Variants in CNTNAP2 observed in about 807,000 individuals in gnomAD.
CNTNAP2 encodes contactin-associated protein-like 2.
In CNTNAP2, 98 loss-of-function variants were observed where a neutral mutation model predicts 155.2. That is an observed-to-expected ratio of 0.63 (90% confidence interval 0.54 to 0.75). CNTNAP2 has a LOEUF of 0.75. Ranked by LOEUF, CNTNAP2 falls within the 30% of genes least tolerant of loss-of-function variation. The pLI is 0.00. For synonymous variants in CNTNAP2, 651 were observed against 631.2 expected (o/e 1.03, Z -0.47); for missense variants, 1,727 against 1,688.1 (o/e 1.02, Z -0.40).
chr7:147,487,564 G>A (rs1331905092), intron 11 of CNTNAP2, among the ~76,000 whole-genome samples: 1 of 152,160 alleles, frequency 6.6e-6, no homozygotes, highest in Non-Finnish European at 1.5e-5. Context: ...ATACGATAAT[G>A]CTAACCAATG....
intron 8 of CNTNAP2, among the ~76,000 whole-genome samples, chr7:147,236,182 C>T (rs757205715): frequency 2.0e-5 from 3 of 152,202 alleles, no homozygotes; most frequent in Non-Finnish European, 4.4e-5. Context: ...GAAACTCCCC[C>T]TACTGCAGGG....
intron 13 of CNTNAP2, among the ~76,000 whole-genome samples, chr7:147,662,768 A>G (rs554829237): frequency 7.2e-5 from 11 of 152,310 alleles, no homozygotes; most frequent in African/African-American, 2.6e-4. Context: ...TTTCAGTGAC[A>G]TCTCTACAGG....
At chr7:146,564,771 C>G (rs977709985) in intron 1 of CNTNAP2, among the ~76,000 whole-genome samples, 3 of 151,690 alleles carry the variant, frequency 2.0e-5, no homozygotes, top group African/African-American at 7.3e-5. Context: ...TTTAGATCTT[C>G]TTTCTTTCCT....
intron 13 of CNTNAP2, among the ~76,000 whole-genome samples, chr7:147,714,317 A>G (rs1015191846): frequency 1.3e-5 from 2 of 152,110 alleles, no homozygotes; most frequent in African/African-American, 4.8e-5. Flanking sequence ...GATCCACATG[A>G]TAAAGAGATA....
At chr7:146,748,234 T>C (rs916641268) in intron 1 of CNTNAP2, among the ~76,000 whole-genome samples, 3 of 149,242 alleles carry the variant, frequency 2.0e-5, no homozygotes, top group Admixed American at 6.7e-5. Flanking sequence ...CAAGCTCTGC[T>C]TCCCGGGTTC....
At chr7:146,463,634 G>A (rs1371800807) in intron 1 of CNTNAP2, among the ~76,000 whole-genome samples, 1 of 151,502 alleles carries the variant, frequency 6.6e-6, no homozygotes, top group Non-Finnish European at 1.5e-5. Context: ...GCACATGTAT[G>A]AATACGAGTA....
intron 1 of CNTNAP2, among the ~76,000 whole-genome samples, chr7:146,628,869 G>A (rs1221621470): frequency 6.6e-6 from 1 of 152,032 alleles, no homozygotes; most frequent in Admixed American, 6.6e-5. Flanking sequence ...CACATTACTT[G>A]ACGGTTATTC....
chr7:146,267,642 C>T (rs1412222608), intron 1 of CNTNAP2, among the ~76,000 whole-genome samples: 3 of 152,242 alleles, frequency 2.0e-5, no homozygotes, highest in South Asian at 2.1e-4. Context: ...AGGGTGAAAG[C>T]GCCAGCTAAT....
intron 14 of CNTNAP2, among the ~76,000 whole-genome samples, chr7:147,925,157 A>C (rs1278182019): frequency 1.8e-5 from 1 of 55,860 alleles, no homozygotes; most frequent in Admixed American, 1.8e-4. Context: ...GAGAGAGAGA[A>C]GGAAGGAAGG....
chr7:146,411,665 C>T (rs933743799), intron 1 of CNTNAP2, among the ~76,000 whole-genome samples: 8 of 151,944 alleles, frequency 5.3e-5, no homozygotes, highest in East Asian at 1.9e-4. Flanking sequence ...TAGTTCCAAC[C>T]GTGTTGTGTG....
chr7:148,283,849 A>G (rs1459914740), intron 21 of CNTNAP2, among the ~76,000 whole-genome samples: 2 of 152,210 alleles, frequency 1.3e-5, no homozygotes, highest in Non-Finnish European at 2.9e-5. Flanking sequence ...ATAAATCAAC[A>G]ACATTTATTT....
intron 19 of CNTNAP2, among the ~76,000 whole-genome samples, chr7:148,223,495 T>C (rs1051598190): frequency 1.3e-5 from 2 of 152,204 alleles, no homozygotes; most frequent in African/African-American, 4.8e-5. Context: ...TTATAACTGC[T>C]TTAATTCACT....
intron 10 of CNTNAP2, among the ~76,000 whole-genome samples, chr7:147,436,714 G>A (rs1477484453): frequency 6.6e-6 from 1 of 152,154 alleles, no homozygotes; most frequent in Non-Finnish European, 1.5e-5. Context: ...ATTTGTGCTT[G>A]CTAATTGGCT....
intron 17 of CNTNAP2, among the ~76,000 whole-genome samples, chr7:148,162,940 C>T (rs1182265583): frequency 6.6e-6 from 1 of 152,208 alleles, no homozygotes; most frequent in Non-Finnish European, 1.5e-5. Context: ...GTCAAGGCTG[C>T]AGTGAACCAT....
At chr7:146,263,176 G>A (rs537788148) in intron 1 of CNTNAP2, among the ~76,000 whole-genome samples, 2 of 151,818 alleles carry the variant, frequency 1.3e-5, no homozygotes, top group South Asian at 2.1e-4. Context: ...AAAATTAGCC[G>A]GGCTTGGTGA....
intron 9 of CNTNAP2, among the ~76,000 whole-genome samples, chr7:147,393,178 A>C (rs530266122): frequency 5.2e-4 from 79 of 152,248 alleles, no homozygotes; most frequent in African/African-American, 1.9e-3. Context: ...TTGGAATATT[A>C]TGGAGAGAAA....
chr7:146,797,760 G>C (rs566092888), intron 2 of CNTNAP2, among the ~76,000 whole-genome samples: 4 of 152,162 alleles, frequency 2.6e-5, no homozygotes, highest in Non-Finnish European at 5.9e-5. Flanking sequence ...ACTAAGATAC[G>C]TCCTGGCAGC....
At chr7:147,852,207 A>T (rs1279095048) in intron 13 of CNTNAP2, among the ~76,000 whole-genome samples, 1 of 152,208 alleles carries the variant, frequency 6.6e-6, no homozygotes, top group African/African-American at 2.4e-5. Context: ...ACATCAAAGA[A>T]GATCTCGCCG....
intron 1 of CNTNAP2, among the ~76,000 whole-genome samples, chr7:146,330,172 A>G (rs1196172165): frequency 1.3e-5 from 2 of 151,534 alleles, no homozygotes; most frequent in African/African-American, 4.8e-5. Flanking sequence ...ACAGGCATGC[A>G]CCACCATGCC....
Sources: allele counts gnomAD v4.1 joint callset (sites outside exome capture counted in the v4.1 genomes callset), GRCh38; gene constraint gnomAD v4.1.1; transcripts MANE v1.5; gene names NCBI Gene and HGNC (gene_info 2026-07-23, HGNC 2026-07-21).